VWC2L: variants seen among roughly 807,000 people sequenced by gnomAD.
The protein encoded by VWC2L is von Willebrand factor C domain-containing protein 2-like.
In VWC2L, 10 loss-of-function variants were observed where a neutral mutation model predicts 21.6. That is an observed-to-expected ratio of 0.46 (90% CI 0.29 to 0.78). The LOEUF is 0.78. Ranked by LOEUF, VWC2L falls within the 30% of genes least tolerant of loss-of-function variation. The pLI, the probability that VWC2L is intolerant of heterozygous loss-of-function variation, is 0.10. For missense variants in VWC2L, 209 were observed against 277.1 expected, an observed-to-expected ratio of 0.75 and a Z score of 1.74; for synonymous variants, 96 against 94.3, an observed-to-expected ratio of 1.02 and a Z score of -0.10.
At chr2:214,556,983 G>A (rs1202836703) in intron 3 of VWC2L, among the ~76,000 whole-genome samples, 2 of 152,170 alleles carry the variant, frequency 1.3e-5, no homozygotes. Context: ...CAACCCTACA[G>A]GGGCAGGGAG....
intron 3 of VWC2L, among the ~76,000 whole-genome samples, chr2:214,569,390 A>G (rs1189249502): frequency 1.3e-5 from 2 of 152,150 alleles, no homozygotes; most frequent in African/African-American, 2.4e-5. Flanking sequence ...CCAATGCTTT[A>G]TCATGGCCAA....
At chr2:214,427,380 T>C (rs1209831227) in intron 2 of VWC2L, among the ~76,000 whole-genome samples, 1 of 152,170 alleles carries the variant, frequency 6.6e-6, no homozygotes, top group Non-Finnish European at 1.5e-5. Flanking sequence ...GACATTCACA[T>C]TGAAACTAAA....
chr2:214,496,356 C>A (rs905915812), intron 3 of VWC2L, among the ~76,000 whole-genome samples: 1 of 150,396 alleles, frequency 6.6e-6, no homozygotes, highest in African/African-American at 2.4e-5. Flanking sequence ...TATGAAACAT[C>A]TTCCTCTCCA....
At chr2:214,533,803 C>T (rs1350356130) in intron 3 of VWC2L, among the ~76,000 whole-genome samples, 1 of 152,082 alleles carries the variant, frequency 6.6e-6, no homozygotes, top group Admixed American at 6.6e-5. Context: ...TATCTGTATA[C>T]AGCTTCTACA....
chr2:214,453,395 G>A (rs905914615), intron 3 of VWC2L, among the ~76,000 whole-genome samples: 1 of 152,086 alleles, frequency 6.6e-6, no homozygotes, highest in African/African-American at 2.4e-5. Context: ...ATATACAAAT[G>A]CAATAATTTC....
At chr2:214,492,191 A>G (rs1020862372) in intron 3 of VWC2L, among the ~76,000 whole-genome samples, 2 of 152,120 alleles carry the variant, frequency 1.3e-5, no homozygotes, top group African/African-American at 4.8e-5. Context: ...TCTGGGATGT[A>G]CCAAATGACA....
At chr2:214,555,198 C>T (rs1419750023) in intron 3 of VWC2L, among the ~76,000 whole-genome samples, 2 of 152,178 alleles carry the variant, frequency 1.3e-5, no homozygotes, top group African/African-American at 2.4e-5. Context: ...TTGAATCCAC[C>T]TATGACCTGG....
intron 3 of VWC2L, among the ~76,000 whole-genome samples, chr2:214,511,649 T>A (rs1366549621): frequency 6.6e-6 from 1 of 152,116 alleles, no homozygotes; most frequent in Non-Finnish European, 1.5e-5. Context: ...GAGAAATAAA[T>A]GTCTGTCGTT....
At chr2:214,528,738 G>A (rs192481753) in intron 3 of VWC2L, among the ~76,000 whole-genome samples, 21 of 152,132 alleles carry the variant, frequency 1.4e-4, no homozygotes, top group African/African-American at 3.6e-4. Context: ...TCAAAGTAGC[G>A]GGGAGTTTAA....
intron 3 of VWC2L, among the ~76,000 whole-genome samples, chr2:214,487,289 C>T (rs141736174): frequency 8.8e-4 from 133 of 151,932 alleles, no homozygotes; most frequent in African/African-American, 3.2e-3. Flanking sequence ...TTACTTTCAT[C>T]ATTAATCAGC....
intron 3 of VWC2L, among the ~76,000 whole-genome samples, chr2:214,451,278 C>G (rs1319907809): frequency 6.9e-6 from 1 of 145,554 alleles, no homozygotes; most frequent in Non-Finnish European, 1.5e-5. Flanking sequence ...TTCTAAAAAT[C>G]CTTCCTAAGG....
At chr2:214,541,923 T>TTTC (rs1553600960) in intron 3 of VWC2L, among the ~76,000 whole-genome samples, 9 of 151,584 alleles carry the variant, frequency 5.9e-5, no homozygotes, top group South Asian at 2.1e-4. Context: ...TTTTTTTTTT[T>TTTC]CCCAGAGGTA....
intron 3 of VWC2L, among the ~76,000 whole-genome samples, chr2:214,467,860 A>G (rs538200772): frequency 1.3e-5 from 2 of 152,294 alleles, no homozygotes; most frequent in South Asian, 4.1e-4. Context: ...ATAACATAGT[A>G]TGAAGCCAGG....
At chr2:214,424,988 G>A (rs1261799330) in intron 2 of VWC2L, among the ~76,000 whole-genome samples, 1 of 152,170 alleles carries the variant, frequency 6.6e-6, no homozygotes, top group Non-Finnish European at 1.5e-5. Context: ...AACACACTAT[G>A]CTCCATGAGC....
At chr2:214,575,579 C>T in intron 3 of VWC2L, 93 bp from the exon 4 acceptor site, 1 of 1,418,728 alleles carries the variant, frequency 7.0e-7, no homozygotes, top group South Asian at 1.3e-5. Flanking sequence ...GTCTGACTTA[C>T]TCATTTATGG....
At chr2:214,502,813 T>A (rs1688913238) in intron 3 of VWC2L, among the ~76,000 whole-genome samples, 1 of 152,202 alleles carries the variant, frequency 6.6e-6, no homozygotes, top group Non-Finnish European at 1.5e-5. Flanking sequence ...AACTAGATTG[T>A]GTTTTTCTTC....
intron 3 of VWC2L, among the ~76,000 whole-genome samples, chr2:214,486,269 A>G (rs1467869664): frequency 6.6e-6 from 1 of 152,196 alleles, no homozygotes; most frequent in African/African-American, 2.4e-5. Flanking sequence ...CTGTCAATCA[A>G]TGGCAAAGCA....
At chr2:214,563,365 G>C (rs1018006155) in intron 3 of VWC2L, among the ~76,000 whole-genome samples, 43 of 151,878 alleles carry the variant, frequency 2.8e-4, no homozygotes, top group African/African-American at 9.9e-4. Context: ...GGCTAACACG[G>C]TGAAACCCCA....
chr2:214,481,456 G>A (rs560783687), intron 3 of VWC2L, among the ~76,000 whole-genome samples: 2 of 152,304 alleles, frequency 1.3e-5, no homozygotes, highest in East Asian at 3.9e-4. Flanking sequence ...TGAAATCTGA[G>A]CTCTTTAGGT....
Sources: allele counts gnomAD v4.1 joint callset (sites outside exome capture counted in the v4.1 genomes callset), GRCh38; gene constraint gnomAD v4.1.1; transcripts MANE v1.5; gene names NCBI Gene and HGNC (gene_info 2026-07-23, HGNC 2026-07-21).